Variants in NELL2 observed in about 807,000 individuals in gnomAD.
NELL2 encodes neural EGFL like 2, also known as protein kinase C-binding protein NELL2.
A neutral mutation model predicts 109.6 loss-of-function variants in NELL2; 41 were observed. The ratio of observed to expected loss-of-function variants is 0.37; its 90% CI spans 0.29 to 0.49. The LOEUF (loss-of-function observed/expected upper bound fraction) is 0.49, where lower values mean the gene tolerates loss of function less well. Ranked by LOEUF, NELL2 falls within the 20% of genes least tolerant of loss-of-function variation. The pLI is 0.98. For synonymous variants in NELL2, 355 were observed against 344.7 expected (o/e 1.03, Z -0.33); for missense variants, 900 against 1,008.3 (o/e 0.89, Z 1.45).
chr12:44,641,119 A>G (rs1946839829), intron 13 of NELL2, among the ~76,000 whole-genome samples: 1 of 152,226 alleles, frequency 6.6e-6, no homozygotes, highest in Non-Finnish European at 1.5e-5. Flanking sequence ...GAAAGAAAAC[A>G]CATCTGAAAA....
At chr12:44,901,424 A>C (rs1945659475) in intron 1 of NELL2, among the ~76,000 whole-genome samples, 1 of 152,160 alleles carries the variant, frequency 6.6e-6, no homozygotes, top group Non-Finnish European at 1.5e-5. Flanking sequence ...ACAAACAAAA[A>C]CCAGCCTAGA....
chr12:44,532,357 C>A (rs1942104698), intron 16 of NELL2, among the ~76,000 whole-genome samples: 1 of 152,074 alleles, frequency 6.6e-6, no homozygotes, highest in Non-Finnish European at 1.5e-5. Flanking sequence ...TTGCAAGAAT[C>A]CACAGAAAAC....
chr12:44,760,649 AAAAT>A (rs71435988), intron 9 of NELL2, among the ~76,000 whole-genome samples: 106,250 of 151,790 alleles, frequency 0.7, 37,474 homozygotes, highest in Non-Finnish European at 0.74. Context: ...ATAAGTGAAC[AAAAT>A]AATCATTTAA....
chr12:44,600,637 C>G (rs1327403929), intron 15 of NELL2, among the ~76,000 whole-genome samples: 1 of 152,174 alleles, frequency 6.6e-6, no homozygotes, highest in Non-Finnish European at 1.5e-5. Context: ...AAGATCTTGG[C>G]CCTAAGACAT....
Position 44,656,310 on chromosome 12 carries a change from C to T in NELL2, c.1444+9174G>A, listed in dbSNP as rs537649869. 4.4e-5 allele frequency among the ~76,000 whole-genome samples: 6 copies of T among 135,440 alleles called. No homozygotes were observed. In the South Asian group the frequency reaches 1.1e-3, roughly 26 times the overall value. The allele number at this position is 135,440 out of a possible 152,430, so 88.9% of individuals were successfully genotyped here. A position where few individuals can be genotyped will look rare whatever the true frequency, so the allele number is the denominator to read the frequency against. On this transcript the variant is annotated intron_variant, in intron 13 of 19. Coordinates refer to ENST00000429094, the MANE Select transcript of NELL2 (RefSeq NM_001145108.2). ...GGAATTTTCCAACTTCCAGAGTAAC[C>T]GTACATCAAGGTTTTTAAGCCCCTA...
intron 12 of NELL2, among the ~76,000 whole-genome samples, chr12:44,697,945 G>C (rs1949112716): frequency 6.6e-6 from 1 of 152,156 alleles, no homozygotes; most frequent in Admixed American, 6.5e-5. Flanking sequence ...AGTACAACTT[G>C]TTCCATGCTC....
At chr12:44,729,130 T>G (rs1279826570) in intron 9 of NELL2, among the ~76,000 whole-genome samples, 1 of 152,112 alleles carries the variant, frequency 6.6e-6, no homozygotes, top group Non-Finnish European at 1.5e-5. Flanking sequence ...AATTCTGGTA[T>G]ATAACTTAAA....
chr12:44,522,715 A>G (rs1162942455), intron 17 of NELL2: 1 of 153,698 alleles, frequency 6.5e-6, no homozygotes, highest in Non-Finnish European at 1.4e-5. Context: ...AACTAGGTAC[A>G]TATAACAGAA....
At chr12:44,623,496 GA>G (rs1009488267) in intron 13 of NELL2, among the ~76,000 whole-genome samples, 6 of 151,888 alleles carry the variant, frequency 4.0e-5, no homozygotes, top group African/African-American at 1.5e-4. Flanking sequence ...TTTTTTTAAA[GA>G]ATTTAAAATG....
intron 1 of NELL2, among the ~76,000 whole-genome samples, chr12:44,920,608 T>C (rs991754084): frequency 1.3e-5 from 2 of 152,220 alleles, no homozygotes; most frequent in African/African-American, 4.8e-5. Context: ...TTAAAGCTCA[T>C]CTACTGCCCA....
intron 7 of NELL2, 34 bp from the exon 8 acceptor site, chr12:44,776,184 A>C: frequency 5.6e-6 from 9 of 1,608,638 alleles, no homozygotes; most frequent in Non-Finnish European, 7.6e-6. Context: ...TACATTGTTC[A>C]TCCTTCCAGC....
intron 15 of NELL2, among the ~76,000 whole-genome samples, chr12:44,603,025 G>A (rs1053403025): frequency 6.6e-6 from 1 of 152,016 alleles, no homozygotes; most frequent in Non-Finnish European, 1.5e-5. Flanking sequence ...TACTTTTGAA[G>A]TAAAGCAACA....
At chr12:44,660,233 C>T (rs143188141) in intron 13 of NELL2, among the ~76,000 whole-genome samples, 1 of 152,156 alleles carries the variant, frequency 6.6e-6, no homozygotes, top group Non-Finnish European at 1.5e-5. Flanking sequence ...ATGCATCTTA[C>T]AATTTTAATT....
At chr12:44,829,008 T>C (rs1239190096) in intron 2 of NELL2, among the ~76,000 whole-genome samples, 1 of 152,134 alleles carries the variant, frequency 6.6e-6, no homozygotes. Context: ...GATTAATACT[T>C]TTGGCTAGTG....
rs945408072 is a variant in NELL2 at position 44,597,913 on chromosome 12, T to C, written c.1663+9256A>G. On this transcript the variant is annotated intron_variant, in intron 15 of 19. Transcript: ENST00000429094. ...TGTTGAGGGCTGAAAGCAGGACAAA[T>C]GCAGGAGATGCTTTTGTTTGTCAAG... Among the ~76,000 whole-genome samples the C allele has an allele frequency of 2.6e-5, 4 of 152,304 alleles. No individual in the cohort carries two copies. The East Asian group carries it at 7.7e-4, about 29-fold the overall frequency.
intron 15 of NELL2, among the ~76,000 whole-genome samples, chr12:44,535,135 C>T (rs1321591903): frequency 6.6e-6 from 1 of 151,916 alleles, no homozygotes; most frequent in Non-Finnish European, 1.5e-5. Flanking sequence ...CAAGCATGTG[C>T]CTGCCCATAA....
Position 44,778,915 on chromosome 12 carries a change from T to C in NELL2, c.606+748A>G, listed in dbSNP as rs570828631. Among the ~76,000 whole-genome samples the C allele has an allele frequency of 2.6e-5, 4 of 152,328 alleles. No homozygotes were observed. The East Asian group carries it at 7.7e-4, about 29-fold the overall frequency. On this transcript the variant is annotated intron_variant, in intron 5 of 19. Coordinates refer to ENST00000429094, the MANE Select transcript of NELL2 (RefSeq NM_001145108.2). ...TTGCTTAGAAAACAATTAAATTCAC[T>C]GGTATGTGATCTACCTTGAAATCTA...
At chr12:44,830,724 C>T (rs1943860258) in intron 2 of NELL2, among the ~76,000 whole-genome samples, 1 of 152,082 alleles carries the variant, frequency 6.6e-6, no homozygotes, top group African/African-American at 2.4e-5. Context: ...GGAATGTGTG[C>T]AGCCTCTAAA....
chr12:44,914,829 G>A (rs1387437106), upstream of NELL2, among the ~76,000 whole-genome samples: 1 of 151,620 alleles, frequency 6.6e-6, no homozygotes, highest in Non-Finnish European at 1.5e-5. Flanking sequence ...TAAAATTAAA[G>A]AGGCTGGATT....
Sources: gnomAD v4.1 joint callset for allele counts (sites outside exome capture counted in the v4.1 genomes callset) on GRCh38, gnomAD v4.1.1 for gene constraint, MANE v1.5 for transcripts, NCBI Gene and HGNC (gene_info 2026-07-23, HGNC 2026-07-21) for gene names.